The following KCNN2 variants were observed in gnomAD, a reference collection of about 807,000 sequenced individuals.
The protein encoded by KCNN2 is small conductance calcium-activated potassium channel protein 2.
KCNN2 carries 24 observed loss-of-function variants against 55.5 expected under a neutral mutation model. That is an observed-to-expected ratio of 0.43 (90% CI 0.31 to 0.61). The LOEUF (loss-of-function observed/expected upper bound fraction) is 0.61. Among genes scored for constraint, KCNN2 ranks in the 20% least tolerant of loss-of-function variants. KCNN2 has a pLI of 0.08. For synonymous variants in KCNN2, 431 were observed against 336.1 expected (o/e 1.28, Z -3.09); for missense variants, 754 against 853.6 (o/e 0.88, Z 1.45).
At chr5:114,257,421 G>C (rs140015483) in intron 2 of KCNN2, among the ~76,000 whole-genome samples, 1 of 151,606 alleles carries the variant, frequency 6.6e-6, no homozygotes, top group South Asian at 2.1e-4. Flanking sequence ...TAGGAATCAC[G>C]TTGAATTTTA....
chr5:114,403,290 T>G (rs1460029202), intron 2 of KCNN2, among the ~76,000 whole-genome samples: 1 of 152,178 alleles, frequency 6.6e-6, no homozygotes, highest in Non-Finnish European at 1.5e-5. Flanking sequence ...TCAAGTTTGG[T>G]AAATAAAGTA....
intron 1 of KCNN2, chr5:114,056,644 T>G: frequency 5.2e-6 from 2 of 383,430 alleles, no homozygotes; most frequent in Non-Finnish European, 9.2e-6. Flanking sequence ...CACCCACTCA[T>G]ACCTTAAAAA....
chr5:114,325,253 A>G (rs928115828), intron 2 of KCNN2, among the ~76,000 whole-genome samples: 14 of 152,220 alleles, frequency 9.2e-5, no homozygotes, highest in Non-Finnish European at 1.8e-4. Context: ...TGTGTTGAAT[A>G]TATAGCCTGG....
In KCNN2 at chr5:114,101,306, C is replaced by T. The variant is rs1751367672; in HGVS notation, c.-271+44806C>T. Among the ~76,000 whole-genome samples, 5 of 151,082 alleles carry T rather than the reference C, an allele frequency of 3.3e-5. No individual in the cohort carries two copies. The South Asian group carries it at 1.0e-3, about 32-fold the overall frequency. ...ATGATTCAAACTTTTACATTTTAGG[C>T]ACTGTCCTGCACAGGATTATATTGG... On this transcript the variant is annotated intron_variant, in intron 1 of 10. Coordinates refer to the KCNN2 transcript ENST00000512097.
At chr5:114,281,358 C>A (rs1037310525) in intron 2 of KCNN2, among the ~76,000 whole-genome samples, 4 of 152,046 alleles carry the variant, frequency 2.6e-5, no homozygotes, top group African/African-American at 9.7e-5. Flanking sequence ...TGCCAAATGT[C>A]CCTCATGGAA....
chr5:114,454,501 T>C (rs1471288414), intron 3 of KCNN2, among the ~76,000 whole-genome samples: 1 of 152,226 alleles, frequency 6.6e-6, no homozygotes, highest in East Asian at 1.9e-4. Context: ...TGAATGTCTT[T>C]CCTGAGAAGT....
At chr5:114,352,054 G>A (rs1300281951) in intron 2 of KCNN2, among the ~76,000 whole-genome samples, 3 of 151,690 alleles carry the variant, frequency 2.0e-5, no homozygotes, top group African/African-American at 4.8e-5. Context: ...AGCCAACAGG[G>A]CCTGGCCATT....
chr5:114,483,436 A>G (rs1346240381), intron 5 of KCNN2, among the ~76,000 whole-genome samples: 3 of 151,728 alleles, frequency 2.0e-5, no homozygotes, highest in African/African-American at 7.3e-5. Flanking sequence ...AACCACGCCC[A>G]TCTAATTTTG....
intron 3 of KCNN2, among the ~76,000 whole-genome samples, chr5:114,437,086 T>A (rs767061637): frequency 3.9e-5 from 6 of 151,992 alleles, no homozygotes; most frequent in Non-Finnish European, 7.4e-5. Context: ...TGCATGCATG[T>A]GTTGCAAGAA....
At chr5:114,294,588 A>T (rs1263901768) in intron 2 of KCNN2, among the ~76,000 whole-genome samples, 3 of 150,894 alleles carry the variant, frequency 2.0e-5, no homozygotes, top group East Asian at 1.9e-4. Context: ...TCTTTTACAT[A>T]TGCTGAGGAG....
At chr5:114,150,464 A>C (rs1413134643) in intron 1 of KCNN2, among the ~76,000 whole-genome samples, 1 of 152,176 alleles carries the variant, frequency 6.6e-6, no homozygotes, top group East Asian at 1.9e-4. Flanking sequence ...TACAAAGATA[A>C]GTGGCCTCTT....
intron 1 of KCNN2, among the ~76,000 whole-genome samples, chr5:114,124,075 T>A (rs1751879869): frequency 6.6e-6 from 1 of 152,216 alleles, no homozygotes; most frequent in Non-Finnish European, 1.5e-5. Context: ...TTATAACATA[T>A]ATATTTGGGT....
At chr5:114,202,596 T>TTA (rs1561520916) in intron 1 of KCNN2, among the ~76,000 whole-genome samples, 6 of 141,712 alleles carry the variant, frequency 4.2e-5, no homozygotes, top group African/African-American at 1.6e-4. Context: ...TTTTTTTTTT[T>TTA]TTTTTCCCGA....
chr5:114,321,222 C>T (rs150635868), intron 2 of KCNN2, among the ~76,000 whole-genome samples: 1 of 152,206 alleles, frequency 6.6e-6, no homozygotes, highest in African/African-American at 2.4e-5. Flanking sequence ...GTTCTTCTCT[C>T]TCCTTACCTT....
intron 1 of KCNN2, among the ~76,000 whole-genome samples, chr5:114,072,714 T>TCCAA (rs1167848199): frequency 1.3e-5 from 2 of 152,176 alleles, no homozygotes; most frequent in Non-Finnish European, 2.9e-5. Context: ...CCGCTTGGGT[T>TCCAA]CCAATCCTGG....
intron 1 of KCNN2, among the ~76,000 whole-genome samples, chr5:114,115,139 A>G (rs1561481966): frequency 6.6e-6 from 1 of 152,142 alleles, no homozygotes; most frequent in Admixed American, 6.5e-5. Context: ...TCAGGCTTTC[A>G]TTGAGTTCAC....
intron 1 of KCNN2, among the ~76,000 whole-genome samples, chr5:114,087,689 T>A (rs1240205199): frequency 6.6e-6 from 1 of 152,152 alleles, no homozygotes; most frequent in African/African-American, 2.4e-5. Context: ...CTTTTCCTCT[T>A]TTTCTTTTTT....
At chr5:114,451,747 A>T (rs971856655) in intron 3 of KCNN2, among the ~76,000 whole-genome samples, 1 of 152,090 alleles carries the variant, frequency 6.6e-6, no homozygotes, top group Non-Finnish European at 1.5e-5. Context: ...ATACAAAAAA[A>T]TTAGCCAGGC....
intron 5 of KCNN2, chr5:114,486,567 A>G (rs1351820377): frequency 6.8e-6 from 2 of 295,904 alleles, no homozygotes; most frequent in South Asian, 6.2e-5. Context: ...CTGGGAGGCT[A>G]TCAGTGCTGG....
Sources: allele counts gnomAD v4.1 joint callset (sites outside exome capture counted in the v4.1 genomes callset), GRCh38; gene constraint gnomAD v4.1.1; transcripts MANE v1.5; gene names NCBI Gene and HGNC (gene_info 2026-07-23, HGNC 2026-07-21).